The following OR2C1 variants were observed in gnomAD, a reference collection of about 807,000 sequenced individuals.
OR2C1 encodes the protein olfactory receptor family 2 subfamily C member 1.
For synonymous variants in OR2C1, 209 were observed against 167.3 expected (o/e 1.25, Z -1.92); for missense variants, 468 against 388.3 (o/e 1.21, Z -1.73).
the OR2C1 span, among the ~76,000 whole-genome samples, chr16:3,344,010 G>A: frequency 6.6e-6 from 1 of 152,084 alleles, no homozygotes; most frequent in South Asian, 2.1e-4. Context: ...CTTGAGGTCA[G>A]GAGTTTGAGA....
the OR2C1 span, among the ~76,000 whole-genome samples, chr16:3,342,486 T>C: frequency 6.6e-6 from 1 of 152,028 alleles, no homozygotes; most frequent in Non-Finnish European, 1.5e-5. Context: ...GGGAGGCCAA[T>C]GTGGGTGGAT....
chr16:3,346,373 A>G, the OR2C1 span, among the ~76,000 whole-genome samples: 6,702 of 152,254 alleles, frequency 0.044, 199 homozygotes, highest in Middle Eastern at 0.061. Flanking sequence ...CAAAGTCTAG[A>G]GGATCTCAGA....
chr16:3,340,014 C>T, the OR2C1 span, among the ~76,000 whole-genome samples: 1 of 152,050 alleles, frequency 6.6e-6, no homozygotes, highest in Admixed American at 6.6e-5. Flanking sequence ...TGCAGTAGCT[C>T]ACGCCTGTAA....
upstream of OR2C1, among the ~76,000 whole-genome samples, chr16:3,353,727 G>T (rs890871812): frequency 1.3e-5 from 2 of 151,706 alleles, no homozygotes; most frequent in Non-Finnish European, 2.9e-5. Flanking sequence ...CTTGAACCTG[G>T]GAGGCAGAGG....
At chr16:3,325,477 A>C in the OR2C1 span, among the ~76,000 whole-genome samples, 379 of 40,186 alleles carry the variant, frequency 9.4e-3, 5 homozygotes, top group African/African-American at 0.027. Flanking sequence ...ATATATATAT[A>C]TATATATATA....
Position 3,356,255 on chromosome 16 carries a change from T to C in OR2C1, c.315T>C (p.Leu105=), listed in dbSNP as rs752510771. 6.2e-7 allele frequency: 1 copy of C among 1,614,098 alleles called. No homozygotes were observed. Among genetic ancestry groups the C allele is most frequent in the Admixed American group, 1.7e-5 (1 of 60,026 alleles). The change falls in exon 1 of 1, where the codon CTT becomes CTC. Residue 105 remains leucine (L), a synonymous_variant. Transcript: ENST00000304936. ...GCATAACCCAGCTCTATGTCTTCCTTTGGCTGGGGGCCACCGAGTGCATCC... is the reference window on the plus strand; with the variant it reads ...GCATAACCCAGCTCTATGTCTTCCTCTGGCTGGGGGCCACCGAGTGCATCC... ...GGCITQLYVF[L]WLGATECILL...
At chr16:3,334,085 A>T in the OR2C1 span, among the ~76,000 whole-genome samples, 2 of 151,380 alleles carry the variant, frequency 1.3e-5, no homozygotes, top group Non-Finnish European at 2.9e-5. Flanking sequence ...TTATCTTCCT[A>T]ACTCAGCCTT....
At chr16:3,336,791 C>T in the OR2C1 span, among the ~76,000 whole-genome samples, 3 of 146,862 alleles carry the variant, frequency 2.0e-5, no homozygotes, top group African/African-American at 5.1e-5. Context: ...TCACTGCAAC[C>T]TCCGTCTCCC....
chr16:3,351,696 C>T (rs74497899), upstream of OR2C1, among the ~76,000 whole-genome samples: 13,624 of 152,134 alleles, frequency 0.09, 823 homozygotes, highest in Non-Finnish European at 0.14. Context: ...AAAGCTTACT[C>T]CCCAGCCCTT....
At chr16:3,340,935 G>A in the OR2C1 span, among the ~76,000 whole-genome samples, 11 of 150,494 alleles carry the variant, frequency 7.3e-5, no homozygotes, top group Admixed American at 4.0e-4. Context: ...GCTAATCAGG[G>A]TCCCTTGCAG....
chr16:3,357,072 A>G lies in OR2C1; in HGVS notation c.*193A>G, dbSNP rs1172692604. 2 of 570,216 alleles carry G rather than the reference A, an allele frequency of 3.5e-6. No individual in the cohort carries two copies. Among genetic ancestry groups the G allele is most frequent in the Non-Finnish European group, 3.1e-6 (1 of 318,410 alleles). The allele number at this position is 570,216 out of a possible 1,614,324, so 35.3% of individuals were successfully genotyped here. A position where few individuals can be genotyped will look rare whatever the true frequency, so the allele number is the denominator to read the frequency against. On this transcript the variant is annotated 3_prime_UTR_variant, in exon 1 of 1. Coordinates refer to ENST00000304936, the MANE Select transcript of OR2C1 (RefSeq NM_012368.3). ...TCGTAATGTTCTACACTTATTTACC[A>G]AAAATCCTACTGTGGACTACCGATA...
upstream of OR2C1, among the ~76,000 whole-genome samples, chr16:3,355,190 C>T (rs560555785): frequency 9.9e-5 from 15 of 151,978 alleles, no homozygotes; most frequent in South Asian, 2.9e-3. Context: ...AGGCCACGCA[C>T]GGTGGCTCAC....
the OR2C1 span, among the ~76,000 whole-genome samples, chr16:3,330,814 T>C: frequency 6.6e-6 from 1 of 152,208 alleles, no homozygotes; most frequent in Admixed American, 6.5e-5. Flanking sequence ...CAGTCACAGC[T>C]CACTGCCATT....
chr16:3,335,718 G>A, the OR2C1 span, among the ~76,000 whole-genome samples: 5 of 151,728 alleles, frequency 3.3e-5, no homozygotes, highest in Non-Finnish European at 7.4e-5. Flanking sequence ...ATAGAGACTA[G>A]GTTGCATCAT....
chr16:3,350,537 G>A, the OR2C1 span, among the ~76,000 whole-genome samples: 11 of 148,742 alleles, frequency 7.4e-5, no homozygotes, highest in Non-Finnish European at 1.3e-4. Flanking sequence ...TCAGCCTCCC[G>A]AGTAGCTGGG....
At chr16:3,328,008 A>C in the OR2C1 span, among the ~76,000 whole-genome samples, 1 of 152,152 alleles carries the variant, frequency 6.6e-6, no homozygotes, top group African/African-American at 2.4e-5. Flanking sequence ...TGAACCTCAA[A>C]ATTTAATATC....
the OR2C1 span, among the ~76,000 whole-genome samples, chr16:3,345,833 C>T: frequency 0.011 from 1,090 of 94,940 alleles, 12 homozygotes; most frequent in African/African-American, 0.038. Flanking sequence ...CCTTCCTTCC[C>T]TCCTTCCTTC....
the OR2C1 span, among the ~76,000 whole-genome samples, chr16:3,345,407 A>AC: frequency 6.6e-6 from 1 of 151,884 alleles, no homozygotes; most frequent in Admixed American, 6.6e-5. Flanking sequence ...AATGACGTGA[A>AC]CCCAGGAGGC....
chr16:3,327,071 A>G, the OR2C1 span, among the ~76,000 whole-genome samples: 1 of 152,174 alleles, frequency 6.6e-6, no homozygotes, highest in Non-Finnish European at 1.5e-5. Context: ...ATTTAAAATA[A>G]TATATATAGG....
Sources: gnomAD v4.1 joint callset for allele counts (sites outside exome capture counted in the v4.1 genomes callset) on GRCh38, gnomAD v4.1.1 for gene constraint, MANE v1.5 for transcripts, NCBI Gene and HGNC (gene_info 2026-07-23, HGNC 2026-07-21) for gene names.